KIF1A: variants seen among roughly 807,000 people sequenced by gnomAD.
KIF1A encodes kinesin-like protein KIF1A.
Under a neutral mutation model 227.3 loss-of-function variants are expected in KIF1A, and 46 were observed. The observed-to-expected ratio is 0.20, with a 90% CI of 0.16 to 0.26. KIF1A has a LOEUF of 0.26. KIF1A is among the 10% of genes least tolerant of loss of function. KIF1A has a pLI of 1.00. For missense variants in KIF1A, 1,683 were observed against 2,485.9 expected (o/e 0.68, Z 6.87); for synonymous variants, 1,022 against 1,012.8 (o/e 1.01, Z -0.17).
At chr2:240,723,940 G>A (rs1403099652) in intron 41 of KIF1A, 35 bp downstream of exon 41, 2 of 1,589,420 alleles carry the variant, frequency 1.3e-6, no homozygotes, top group Non-Finnish European at 8.6e-7. Flanking sequence ...GAGCAGGCCA[G>A]GAACCCACCC....
intron 27 of KIF1A, among the ~76,000 whole-genome samples, chr2:240,756,198 C>G (rs2049830217): frequency 2.0e-5 from 3 of 152,202 alleles, no homozygotes; most frequent in Admixed American, 2.0e-4. Flanking sequence ...GCTGTCAGCA[C>G]TGCTGCTCCA....
rs181008212 is a variant in KIF1A at position 240,776,043 on chromosome 2, G to A, written c.883-117C>T. The A allele has an allele frequency of 2.4e-3, 1,770 of 743,422 alleles. 18 individuals are homozygous for A. In the Admixed American group the frequency reaches 0.024, roughly 10 times the overall value. 46.1% of individuals were successfully genotyped at this position (743,422 alleles called of 1,614,324 possible). On this transcript the variant is annotated intron_variant, in intron 10 of 48. Coordinates refer to ENST00000498729, the MANE Select transcript of KIF1A (RefSeq NM_001244008.2). ...CAAAGCTGGAGGCTGGGCAAGGGGCGGGGCCCGCTCTGCTGGACACATTCT... is the reference window on the plus strand; with the variant it reads ...CAAAGCTGGAGGCTGGGCAAGGGGCAGGGCCCGCTCTGCTGGACACATTCT...
Position 240,782,611 on chromosome 2 carries a change from A to G in KIF1A, c.865-4T>C. The G allele has an allele frequency of 6.4e-7, 1 of 1,552,180 alleles. No homozygotes were observed. Among genetic ancestry groups the G allele is most frequent in the Non-Finnish European group, 8.7e-7 (1 of 1,147,704 alleles). On this transcript the variant is annotated splice_region_variant and splice_polypyrimidine_tract_variant and intron_variant, in intron 9 of 48. Coordinates refer to ENST00000498729, the MANE Select transcript of KIF1A (RefSeq NM_001244008.2). ...TTACCTTGTTGGGTCCGGAGTCCTG[A>G]AAAGGAAAAGACAGAGAGAGGCTGA...
chr2:240,810,860 C>T (rs955273437), intron 1 of KIF1A, among the ~76,000 whole-genome samples: 4 of 152,328 alleles, frequency 2.6e-5, no homozygotes, highest in South Asian at 2.1e-4. Flanking sequence ...ACCTCCTTCC[C>T]GCCAGGCCCC....
intron 6 of KIF1A, 145 bp downstream of exon 6, chr2:240,786,190 A>G (rs1276425719): frequency 3.9e-6 from 3 of 759,504 alleles, no homozygotes; most frequent in Non-Finnish European, 6.5e-6. Context: ...ACAGGCCTAA[A>G]CGACCTCGGG....
intron 7 of KIF1A, among the ~76,000 whole-genome samples, chr2:240,784,734 C>T (rs1394920572): frequency 6.6e-6 from 1 of 152,162 alleles, no homozygotes; most frequent in Non-Finnish European, 1.5e-5. Flanking sequence ...CCTGGACTGG[C>T]TGTCCAGGCA....
chr2:240,759,770 G>A (rs2050293433), intron 25 of KIF1A, among the ~76,000 whole-genome samples: 1 of 152,192 alleles, frequency 6.6e-6, no homozygotes, highest in African/African-American at 2.4e-5. Flanking sequence ...ACTTTGGGAG[G>A]CCAGGGTGCA....
At chr2:240,810,050 G>A (rs140681679) in intron 1 of KIF1A, among the ~76,000 whole-genome samples, 1,536 of 152,246 alleles carry the variant, frequency 0.01, 89 homozygotes, top group Admixed American at 0.074. Context: ...CTGGCCTCAA[G>A]TGATCCACCC....
At position 240,775,117 on chromosome 2, in the gene KIF1A, G is replaced by C. The variant is rs1334779279; in HGVS notation, c.958+734C>G. On this transcript the variant is annotated intron_variant, in intron 11 of 48. Transcript: ENST00000498729. The surrounding 1 kb of genome is among the most constrained non-coding windows in gnomAD (Gnocchi z 5.5). ...AGGAACACACTCTCCTCCTCTCTCA[G>C]CGGGGCCCATCCATCCGCAGGCCTG... is the stretch of plus-strand genomic sequence containing the variant. Among the ~76,000 whole-genome samples, 1 of 152,218 alleles carries C rather than the reference G, an allele frequency of 6.6e-6. No homozygotes were observed. Among genetic ancestry groups the C allele is most frequent in the African/African-American group, 2.4e-5 (1 of 41,462 alleles).
chr2:240,805,002 G>T (rs2057259231), intron 1 of KIF1A, among the ~76,000 whole-genome samples: 1 of 145,724 alleles, frequency 6.9e-6, no homozygotes, highest in East Asian at 2.1e-4. Context: ...AAGGAGAGGA[G>T]AGAAGAAGGA....
intron 41 of KIF1A, 118 bp from the exon 42 acceptor site, chr2:240,723,676 C>T: frequency 2.4e-6 from 3 of 1,240,078 alleles, no homozygotes; most frequent in Middle Eastern, 5.7e-4. Context: ...ATGGGCTTCC[C>T]CTGGTCCTTG....
At chr2:240,756,962 C>T (rs912467357) in intron 27 of KIF1A, among the ~76,000 whole-genome samples, 3 of 152,228 alleles carry the variant, frequency 2.0e-5, no homozygotes, top group Admixed American at 6.5e-5. Flanking sequence ...GGGAGGAACT[C>T]GGCCATTGGG....
In KIF1A at chr2:240,797,632, C is replaced by G; in HGVS notation, c.106+15G>C. The G allele has an allele frequency of 6.4e-7, 1 of 1,573,922 alleles. No homozygotes were observed. The highest frequency in any genetic ancestry group is 8.7e-7 in the Non-Finnish European group (1 of 1,145,858). ...ACCCATGGCCGACCCCGATGCTGTGCAGGCTGATACTCACTGGTGGTGCTT... is the reference window on the plus strand; with the variant it reads ...ACCCATGGCCGACCCCGATGCTGTGGAGGCTGATACTCACTGGTGGTGCTT... On this transcript the variant is annotated intron_variant, in intron 2 of 48. Transcript: ENST00000498729.
At chr2:240,814,345 G>C (rs993255977) in intron 1 of KIF1A, among the ~76,000 whole-genome samples, 5 of 152,134 alleles carry the variant, frequency 3.3e-5, no homozygotes, top group African/African-American at 1.2e-4. Context: ...GATGCAGAAA[G>C]CCATGGTGAC....
rs556932984 is a variant in KIF1A at position 240,730,885 on chromosome 2, C to T, written c.4008-3945G>A. The stretch of plus-strand genomic sequence containing the variant: ...AACTGGAGGAGGCTGGGCCAGGCAC[C>T]CCTGAGGGCCGCAGCATGAGCCTGC... On this transcript the variant is annotated intron_variant, in intron 38 of 48. Transcript: ENST00000498729. 3.8e-4 allele frequency among the ~76,000 whole-genome samples: 58 copies of T among 152,268 alleles called. 1 individual carries two copies. The South Asian group carries it at 0.01, about 27-fold the overall frequency.
chr2:240,805,538 A>C (rs2057343848), intron 1 of KIF1A, among the ~76,000 whole-genome samples: 1 of 152,240 alleles, frequency 6.6e-6, no homozygotes, highest in Non-Finnish European at 1.5e-5. Context: ...GAATTCATTA[A>C]TTTATCATGA....
At position 240,725,298 on chromosome 2, in the gene KIF1A, C is replaced by T; in HGVS notation, c.4229G>A (p.Gly1410Asp). The change falls in exon 40 of 49, where the codon GGC becomes GAC. Residue 1410 changes from glycine (G) to aspartate (D), a missense_variant. By Grantham distance (94) the Gly-to-Asp change is moderately conservative. Coordinates refer to ENST00000498729, the MANE Select transcript of KIF1A (RefSeq NM_001244008.2). This position sits in a 1 kb window ranked among gnomAD's most constrained non-coding sequence, Gnocchi z 5.8. ...PASRSIRNLF[G>D]SGSLRASESN... ...CTCTGAGGCCCGAAGGCTCCCACTG[C>T]CAAAGAGGTTGCGGATGGAGCGCGA... 11 of 1,608,304 alleles carry T rather than the reference C, an allele frequency of 6.8e-6. No homozygotes were observed. The highest frequency in any genetic ancestry group is 9.3e-6 in the Non-Finnish European group (11 of 1,177,960).
Position 240,774,086 on chromosome 2 carries a change from G to GC in KIF1A, c.1037+96dup. ...CAGGGTATACCCCTCACAAAGAGTC[G>GC]CCCCTGGTCACTGGTGCTTCCTAAT... On this transcript the variant is annotated intron_variant, in intron 12 of 48. Transcript: ENST00000498729. The GC allele has an allele frequency of 6.9e-6, 5 of 720,668 alleles. No homozygotes were observed. In the South Asian group the frequency reaches 9.8e-5, roughly 14 times the overall value. 44.6% of individuals were successfully genotyped at this position (720,668 alleles called of 1,614,324 possible).
At position 240,719,940 on chromosome 2, in the gene KIF1A, G is replaced by A. The variant is rs1294546856; in HGVS notation, c.4869-14C>T. On this transcript the variant is annotated splice_polypyrimidine_tract_variant and intron_variant, in intron 45 of 48. Transcript: ENST00000498729. Reference sequence around the variant, plus strand: ...GGCTGCGGGGTCCTGGGAAGCAGAGGGAAGTGCTGCCCACTGCAGGCCTCC... The same window carrying A: ...GGCTGCGGGGTCCTGGGAAGCAGAGAGAAGTGCTGCCCACTGCAGGCCTCC... 1.2e-6 allele frequency: 2 copies of A among 1,602,056 alleles called. No individual in the cohort carries two copies. The highest frequency in any genetic ancestry group is 1.7e-6 in the Non-Finnish European group (2 of 1,175,552).
Sources: gnomAD v4.1 joint callset for allele counts (sites outside exome capture counted in the v4.1 genomes callset) on GRCh38, gnomAD v4.1.1 for gene constraint, Gnocchi (gnomAD v3.1) non-coding constraint, MANE v1.5 for transcripts, NCBI Gene and HGNC (gene_info 2026-07-23, HGNC 2026-07-21) for gene names.